WDR75: variants seen among roughly 807,000 people sequenced by gnomAD.
WDR75 encodes the protein WD repeat-containing protein 75.
WDR75 carries 52 observed loss-of-function variants against 106.1 expected under a neutral mutation model. That is an observed-to-expected ratio of 0.49 (90% CI 0.39 to 0.62). The LOEUF is 0.62. Among genes scored for constraint, WDR75 ranks in the 20% least tolerant of loss-of-function variants. The pLI is 0.00. For missense variants in WDR75, 905 were observed against 970.3 expected (o/e 0.93, Z 0.89); for synonymous variants, 333 against 335.5 (o/e 0.99, Z 0.08).
At chr2:189,454,770 G>A (rs958030002) in intron 4 of WDR75, among the ~76,000 whole-genome samples, 93 of 151,962 alleles carry the variant, frequency 6.1e-4, no homozygotes, top group Middle Eastern at 6.8e-3. Flanking sequence ...TGATCCACCC[G>A]CCTCGGCCTC....
At chr2:189,464,627 C>A (rs1686963979) in intron 11 of WDR75, among the ~76,000 whole-genome samples, 1 of 152,016 alleles carries the variant, frequency 6.6e-6, no homozygotes, top group Admixed American at 6.6e-5. Flanking sequence ...TTTTTTAAAA[C>A]AACCATAAAT....
intron 17 of WDR75, 106 bp from the exon 18 acceptor site, chr2:189,470,713 A>G (rs908599575): frequency 9.1e-6 from 6 of 660,600 alleles, no homozygotes; most frequent in Non-Finnish European, 1.2e-5. Flanking sequence ...AAATATATAT[A>G]TCAAAGTGAA....
At chr2:189,456,283 G>A (rs754413136) in intron 5 of WDR75, among the ~76,000 whole-genome samples, 2 of 152,044 alleles carry the variant, frequency 1.3e-5, no homozygotes, top group Non-Finnish European at 2.9e-5. Context: ...TTTACCTAGC[G>A]ATTCCATTCC....
At chr2:189,473,551 TACC>T (rs1213965294) in intron 18 of WDR75, among the ~76,000 whole-genome samples, 3 of 152,096 alleles carry the variant, frequency 2.0e-5, no homozygotes, top group Admixed American at 1.3e-4. Flanking sequence ...GATATGAAGA[TACC>T]ACCACCACCA....
chr2:189,471,338 A>G (rs986787723), intron 18 of WDR75, among the ~76,000 whole-genome samples: 1 of 152,162 alleles, frequency 6.6e-6, no homozygotes, highest in Non-Finnish European at 1.5e-5. Flanking sequence ...CTGCATATAC[A>G]CAACACACAC....
chr2:189,475,311 G>GT lies in WDR75; in HGVS notation c.2388dup (p.Asn797Ter). The stretch of plus-strand genomic sequence containing the variant: ...TTTACCGAAAAAGTCCAGGATACAA[G>GT]TAACACAGGTTTAGGAGAAGACATT... On this transcript the variant is annotated frameshift_variant, in exon 21 of 21. Transcript: ENST00000314761. LOFTEE classifies it high-confidence loss of function. 1 of 1,612,602 alleles carries GT rather than the reference G, an allele frequency of 6.2e-7. No individual in the cohort carries two copies. Among genetic ancestry groups the GT allele is most frequent in the Non-Finnish European group, 8.5e-7 (1 of 1,178,966 alleles).
At chr2:189,448,326 G>GA (rs1686542407) in intron 1 of WDR75, 53 bp from the exon 2 acceptor site, 1 of 1,537,784 alleles carries the variant, frequency 6.5e-7, no homozygotes. Context: ...TCAGCAGTGT[G>GA]AAAACAGGCT....
intron 11 of WDR75, 24 bp from the exon 12 acceptor site, chr2:189,465,055 T>G: frequency 1.3e-6 from 2 of 1,532,786 alleles, no homozygotes; most frequent in Middle Eastern, 1.7e-4. Context: ...ACATTTTGGT[T>G]TTTTGGTTTT....
intron 1 of WDR75, among the ~76,000 whole-genome samples, chr2:189,441,796 G>C (rs1156897419): frequency 6.6e-6 from 1 of 152,180 alleles, no homozygotes; most frequent in Non-Finnish European, 1.5e-5. Flanking sequence ...TTTACCTGCA[G>C]GTAGATAAAG....
intron 1 of WDR75, among the ~76,000 whole-genome samples, chr2:189,442,660 G>T (rs1686406687): frequency 6.6e-6 from 1 of 151,872 alleles, no homozygotes; most frequent in Admixed American, 6.6e-5. Flanking sequence ...ATGTTGGCCA[G>T]GCTGCCCTGG....
At chr2:189,456,741 T>C (rs2105560048) in intron 5 of WDR75, among the ~76,000 whole-genome samples, 1 of 152,324 alleles carries the variant, frequency 6.6e-6, no homozygotes, top group African/African-American at 2.4e-5. Context: ...TTTTAGTGTA[T>C]ATAAGTTATT....
chr2:189,474,745 C>A lies in WDR75; in HGVS notation c.2225C>A (p.Pro742Gln). 6.2e-7 allele frequency: 1 copy of A among 1,614,060 alleles called. No individual in the cohort carries two copies. ...CTTCACACTCCAGCCCATGTCCTGC[C>A]ATCTGCTGCTTTCCTGTGCTCCATG... ...ELLHTPAHVL[P>Q]SAAFLCSMFV... is the part of the protein sequence containing the mutation. Residue 742 changes from proline (P) to glutamine (Q), a missense_variant, in exon 20 of 21, where the codon CCA becomes CAA. Physicochemically the swap from Pro to Gln is moderately conservative, Grantham distance 76 (BLOSUM62 -1). Transcript: ENST00000314761.
chr2:189,444,476 T>C (rs572537413), intron 1 of WDR75, among the ~76,000 whole-genome samples: 2 of 152,300 alleles, frequency 1.3e-5, no homozygotes, highest in African/African-American at 4.8e-5. Context: ...CCCACAGTTA[T>C]ATGGTGCTGT....
chr2:189,450,777 T>G (rs1686601677), intron 2 of WDR75, 126 bp from the exon 3 acceptor site: 5 of 1,480,242 alleles, frequency 3.4e-6, no homozygotes, highest in Non-Finnish European at 4.4e-6. Context: ...TAAATGACTC[T>G]ACCTCTTTAA....
intron 2 of WDR75, chr2:189,450,239 G>C (rs1368840171): frequency 1.0e-6 from 1 of 985,316 alleles, no homozygotes; most frequent in Non-Finnish European, 1.2e-6. Flanking sequence ...TCAGTCACTT[G>C]AGAAGCACTC....
chr2:189,442,230 T>C (rs1411529727), intron 1 of WDR75, among the ~76,000 whole-genome samples: 1 of 152,126 alleles, frequency 6.6e-6, no homozygotes, highest in Non-Finnish European at 1.5e-5. Context: ...CACGTGGTTA[T>C]TGGGAGGATT....
At chr2:189,453,992 C>T (rs1686681239) in intron 4 of WDR75, among the ~76,000 whole-genome samples, 1 of 152,142 alleles carries the variant, frequency 6.6e-6, no homozygotes, top group African/African-American at 2.4e-5. Context: ...GAGCACCCAC[C>T]GTGTGCTAAA....
chr2:189,457,559 T>C (rs975803044), intron 6 of WDR75, among the ~76,000 whole-genome samples, 178 bp downstream of exon 6: 7 of 152,152 alleles, frequency 4.6e-5, no homozygotes, highest in Non-Finnish European at 8.8e-5. Context: ...AGCATACTAT[T>C]AGTCACCAAA....
intron 11 of WDR75, 187 bp downstream of exon 11, chr2:189,464,148 A>G: frequency 3.4e-6 from 2 of 594,674 alleles, no homozygotes; most frequent in East Asian, 5.7e-5. Context: ...GTTGCAGGTT[A>G]CATGTAAGCC....
Sources: allele counts gnomAD v4.1 joint callset (sites outside exome capture counted in the v4.1 genomes callset), GRCh38; gene constraint gnomAD v4.1.1; transcripts MANE v1.5; gene names NCBI Gene and HGNC (gene_info 2026-07-23, HGNC 2026-07-21).